Variants in RBFOX1 observed in about 807,000 individuals in gnomAD.
RBFOX1 encodes the protein RNA binding fox-1 homolog 1, also known as RNA binding protein fox-1 homolog 1.
RBFOX1 carries 8 observed loss-of-function variants against 57.7 expected under a neutral mutation model. That is an observed-to-expected ratio of 0.14 (90% CI 0.08 to 0.25). RBFOX1 has a LOEUF of 0.25. Among genes scored for constraint, RBFOX1 ranks in the 10% least tolerant of loss-of-function variants. The pLI is 1.00. For missense variants in RBFOX1, 611 were observed against 548.5 expected (o/e 1.11, Z -1.14); for synonymous variants, 326 against 222.4 (o/e 1.47, Z -4.15).
intron 4 of RBFOX1, among the ~76,000 whole-genome samples, chr16:7,118,654 GA>G (rs1173513550): frequency 6.6e-6 from 1 of 152,100 alleles, no homozygotes; most frequent in Non-Finnish European, 1.5e-5. Flanking sequence ...CCATTGGTTA[GA>G]AACAAGTTGT....
intron 4 of RBFOX1, among the ~76,000 whole-genome samples, chr16:5,997,475 G>A (rs191295887): frequency 1.3e-5 from 2 of 152,208 alleles, no homozygotes; most frequent in African/African-American, 4.8e-5. Flanking sequence ...TATGAAGGTG[G>A]GGTTTTTGTG....
chr16:6,054,633 G>C (rs191550442), intron 1 of RBFOX1, among the ~76,000 whole-genome samples: 61 of 152,280 alleles, frequency 4.0e-4, no homozygotes, highest in East Asian at 3.9e-3. Flanking sequence ...GTTTCTTCTT[G>C]TTGTCGTTGG....
intron 1 of RBFOX1, among the ~76,000 whole-genome samples, chr16:5,322,382 C>T (rs1367296547): frequency 5.3e-5 from 8 of 152,030 alleles, no homozygotes; most frequent in Admixed American, 3.9e-4. Context: ...TGTGTGTGCA[C>T]GCCTAGGGGT....
intron 3 of RBFOX1, among the ~76,000 whole-genome samples, chr16:6,862,368 C>T (rs554858200): frequency 2.0e-4 from 31 of 152,094 alleles, no homozygotes; most frequent in Non-Finnish European, 4.0e-4. Flanking sequence ...TTTTGAACAC[C>T]AAGGCCCCAG....
intron 3 of RBFOX1, among the ~76,000 whole-genome samples, chr16:6,903,577 A>C (rs2069011347): frequency 6.6e-6 from 1 of 152,162 alleles, no homozygotes; most frequent in South Asian, 2.1e-4. Flanking sequence ...CCCCGCAATC[A>C]CTTATCCCAG....
chr16:5,824,660 T>G (rs2055973781), intron 3 of RBFOX1, among the ~76,000 whole-genome samples: 2 of 152,240 alleles, frequency 1.3e-5, no homozygotes, highest in African/African-American at 4.8e-5. Flanking sequence ...AAAACAAAAC[T>G]GAGTTCCACA....
intron 4 of RBFOX1, among the ~76,000 whole-genome samples, chr16:7,243,561 A>G (rs1468449763): frequency 1.3e-5 from 2 of 152,108 alleles, no homozygotes; most frequent in Non-Finnish European, 2.9e-5. Context: ...GTATTAATAC[A>G]TTTTGAGAGA....
At chr16:7,150,348 C>G (rs976755426) in intron 4 of RBFOX1, among the ~76,000 whole-genome samples, 2 of 152,100 alleles carry the variant, frequency 1.3e-5, no homozygotes, top group Non-Finnish European at 2.9e-5. Context: ...TTAGACAGTG[C>G]CCACCCTACG....
At chr16:6,798,297 C>A (rs944438632) in intron 3 of RBFOX1, among the ~76,000 whole-genome samples, 1 of 152,072 alleles carries the variant, frequency 6.6e-6, no homozygotes. Context: ...TAGATTGTAT[C>A]TAGAAACTTG....
chr16:6,004,391 A>G (rs1369045715), intron 4 of RBFOX1, among the ~76,000 whole-genome samples: 2 of 152,174 alleles, frequency 1.3e-5, no homozygotes, highest in Non-Finnish European at 2.9e-5. Context: ...GAGGGTTTAC[A>G]TAGTTAATAT....
intron 4 of RBFOX1, among the ~76,000 whole-genome samples, chr16:7,377,146 T>C (rs1218808915): frequency 6.6e-6 from 1 of 152,252 alleles, no homozygotes; most frequent in African/African-American, 2.4e-5. Context: ...TTTATATCAG[T>C]TTAAATGAAC....
At chr16:6,617,314 A>C in intron 2 of RBFOX1, among the ~76,000 whole-genome samples, 1 of 152,008 alleles carries the variant, frequency 6.6e-6, no homozygotes, top group East Asian at 1.9e-4. Context: ...AGGTCTACAA[A>C]GCCTCAAAAA....
Position 5,426,738 on chromosome 16 carries a change from C to A in RBFOX1, c.220-40478C>A, listed in dbSNP as rs542346618. 3.9e-5 allele frequency among the ~76,000 whole-genome samples: 6 copies of A among 152,270 alleles called. No individual in the cohort carries two copies. The South Asian group carries it at 1.2e-3, about 32-fold the overall frequency. On this transcript the variant is annotated intron_variant, in intron 1 of 2. Coordinates refer to the RBFOX1 transcript ENST00000585867. ...CGCTCCAGGGAAGAGGGCAGAGAAA[C>A]TTCTCCTGATTGACCCCAGGGGAGA...
chr16:5,418,152 C>T (rs939139292), intron 1 of RBFOX1, among the ~76,000 whole-genome samples: 4 of 152,216 alleles, frequency 2.6e-5, no homozygotes, highest in African/African-American at 7.2e-5. Flanking sequence ...TGTGGTCTCA[C>T]TGCATTAAAA....
intron 1 of RBFOX1, among the ~76,000 whole-genome samples, chr16:6,039,485 A>G (rs1038607489): frequency 6.6e-6 from 1 of 152,192 alleles, no homozygotes. Flanking sequence ...AGGAGGGCAC[A>G]TGATTTGGGT....
chr16:5,596,847 G>C (rs1379333988), intron 2 of RBFOX1, among the ~76,000 whole-genome samples: 1 of 152,016 alleles, frequency 6.6e-6, no homozygotes, highest in Non-Finnish European at 1.5e-5. Flanking sequence ...TACTACTTTA[G>C]ACAGTCGCTG....
intron 3 of RBFOX1, among the ~76,000 whole-genome samples, chr16:6,954,245 C>T (rs1486549736): frequency 6.8e-6 from 1 of 146,014 alleles, no homozygotes; most frequent in African/African-American, 2.5e-5. Context: ...TTTGAAGGTG[C>T]TATGTAATAA....
intron 5 of RBFOX1, among the ~76,000 whole-genome samples, chr16:7,536,189 G>A (rs571693933): frequency 1.1e-4 from 17 of 152,326 alleles, no homozygotes; most frequent in Non-Finnish European, 2.2e-4. Context: ...AATTACATTT[G>A]CAAAAACTTC....
rs1468105717 is a variant in RBFOX1, at chr16:6,902,676, T to C, written c.-15-149381T>C. 4.6e-5 allele frequency among the ~76,000 whole-genome samples: 7 copies of C among 152,286 alleles called. No individual in the cohort carries two copies. In the East Asian group the frequency reaches 1.4e-3, roughly 29 times the overall value. ...GGCAGAGGCTGTAGTGAGCTGAGAT[T>C]GTGCCACTGCACTCCGGTCAGGGTG... On this transcript the variant is annotated intron_variant, in intron 3 of 15. Transcript: ENST00000550418.
Sources: gnomAD v4.1 joint callset for allele counts (sites outside exome capture counted in the v4.1 genomes callset) on GRCh38, gnomAD v4.1.1 for gene constraint, MANE v1.5 for transcripts, NCBI Gene and HGNC (gene_info 2026-07-23, HGNC 2026-07-21) for gene names.